The following DLG2 variants were observed in gnomAD, a reference collection of about 807,000 sequenced individuals.
The protein encoded by DLG2 is discs large MAGUK scaffold protein 2.
DLG2 carries 45 observed loss-of-function variants against 132.5 expected under a neutral mutation model. The observed-to-expected ratio is 0.34, with a 90% CI of 0.27 to 0.44. The LOEUF is 0.44. Among genes scored for constraint, DLG2 ranks in the 20% least tolerant of loss-of-function variants. The pLI is 1.00. For synonymous variants in DLG2, 424 were observed against 419.6 expected, an observed-to-expected ratio of 1.01 and a Z score of -0.13; for missense variants, 1,045 against 1,196.9, an observed-to-expected ratio of 0.87 and a Z score of 1.87.
rs1434531817 is a variant in DLG2, at chr11:84,187,946, AACC to A, written c.574-24438_574-24436del. ...GAGCTGTAGAAAGACTCTAAAATGT[AACC>A]ACTACTGCCTGAAATCTTTGCAGAA... On this transcript the variant is annotated intron_variant, in intron 8 of 27. Coordinates refer to ENST00000376104, the MANE Select transcript of DLG2 (RefSeq NM_001142699.3). Among the ~76,000 whole-genome samples, 18 of 152,242 alleles carry A rather than the reference AACC, an allele frequency of 1.2e-4. 1 individual carries two copies. In the East Asian group the frequency reaches 2.9e-3, roughly 24 times the overall value.
At chr11:83,950,747 T>C (rs1224513003) in intron 14 of DLG2, among the ~76,000 whole-genome samples, 1 of 152,202 alleles carries the variant, frequency 6.6e-6, no homozygotes, top group African/African-American at 2.4e-5. Context: ...TCTTAGATAC[T>C]AGTGGCTAAT....
chr11:85,146,222 TTCTCCCTCTCTCTC>T (rs1052907621), intron 5 of DLG2, among the ~76,000 whole-genome samples: 7 of 94,120 alleles, frequency 7.4e-5, no homozygotes, highest in African/African-American at 2.9e-4. Flanking sequence ...GTATGTCTGT[TTCTCCCTCTCTCTC>T]TCTCTCTCTC....
chr11:83,740,040 G>A (rs563435366), intron 18 of DLG2, among the ~76,000 whole-genome samples: 36 of 152,042 alleles, frequency 2.4e-4, no homozygotes, highest in African/African-American at 8.4e-4. Flanking sequence ...AGAGCACAAA[G>A]ACAGCACAGA....
intron 19 of DLG2, among the ~76,000 whole-genome samples, chr11:83,599,561 T>C (rs1013171833): frequency 1.3e-5 from 2 of 152,156 alleles, no homozygotes; most frequent in Non-Finnish European, 2.9e-5. Context: ...TGACTAGGAG[T>C]GACCACTTAC....
In DLG2 at chr11:83,635,953, G is replaced by A. The variant is rs912271947; in HGVS notation, c.1826-2628C>T. 5.9e-5 allele frequency among the ~76,000 whole-genome samples: 9 copies of A among 152,102 alleles called. No homozygotes were observed. In the East Asian group the frequency reaches 1.5e-3, roughly 26 times the overall value. On this transcript the variant is annotated intron_variant, in intron 18 of 27. Coordinates refer to ENST00000376104, the MANE Select transcript of DLG2 (RefSeq NM_001142699.3). ...AATAGCATTTCCCAGAGAAGAAAAG[G>A]GCCTTGTCTGGAACACAGATCAAGA...
At chr11:84,379,768 A>G (rs1416566441) in intron 7 of DLG2, among the ~76,000 whole-genome samples, 1 of 150,696 alleles carries the variant, frequency 6.6e-6, no homozygotes, top group Admixed American at 6.6e-5. Flanking sequence ...AAAATAGGAA[A>G]AGAGGTATTA....
intron 21 of DLG2, among the ~76,000 whole-genome samples, chr11:83,523,755 C>T (rs1401627372): frequency 6.6e-6 from 1 of 152,156 alleles, no homozygotes; most frequent in Non-Finnish European, 1.5e-5. Context: ...CAAGTGTGTT[C>T]TTCTAGAAAT....
intron 5 of DLG2, among the ~76,000 whole-genome samples, chr11:85,141,270 G>T (rs1380597015): frequency 6.6e-6 from 1 of 151,790 alleles, no homozygotes; most frequent in East Asian, 1.9e-4. Context: ...TTTAACTGGG[G>T]TGAGATGATA....
At chr11:84,894,784 T>C in intron 6 of DLG2, among the ~76,000 whole-genome samples, 1 of 152,146 alleles carries the variant, frequency 6.6e-6, no homozygotes, top group Non-Finnish European at 1.5e-5. Context: ...GGCTGACTAC[T>C]TAAGTTACAT....
At chr11:83,485,107 A>C (rs2093419431) in intron 21 of DLG2, among the ~76,000 whole-genome samples, 1 of 141,580 alleles carries the variant, frequency 7.1e-6, no homozygotes, top group Admixed American at 7.0e-5. Context: ...GTCACTCTAG[A>C]TTCTGATCAG....
rs766996648 is a variant in DLG2 at position 85,457,154 on chromosome 11, AC to A, written c.40+141502del. On this transcript the variant is annotated intron_variant, in intron 3 of 27. Transcript: ENST00000376104. Reference sequence around the variant, plus strand: ...ACTTAAGTCTTCCAGTTGAATTAAAACTTTTGCATTATGTAATGCCCTTCTT... The same window carrying A: ...ACTTAAGTCTTCCAGTTGAATTAAAATTTTGCATTATGTAATGCCCTTCTT... Among the ~76,000 whole-genome samples the A allele has an allele frequency of 1.4e-3, 206 of 149,526 alleles. 1 individual carries two copies. The highest frequency in any genetic ancestry group is 2.5e-3 in the Admixed American group (37 of 14,940).
intron 7 of DLG2, among the ~76,000 whole-genome samples, chr11:84,325,017 T>C (rs931913680): frequency 4.6e-5 from 7 of 152,138 alleles, no homozygotes; most frequent in Non-Finnish European, 1.0e-4. Flanking sequence ...TTTCTTTTTC[T>C]TGCCTACCTA....
intron 18 of DLG2, among the ~76,000 whole-genome samples, chr11:83,706,629 A>G (rs1478084048): frequency 6.6e-6 from 1 of 152,188 alleles, no homozygotes; most frequent in Non-Finnish European, 1.5e-5. Context: ...AGCATACACA[A>G]TGCAATTCAG....
At chr11:84,474,480 C>T (rs1382906975) in intron 7 of DLG2, among the ~76,000 whole-genome samples, 1 of 152,010 alleles carries the variant, frequency 6.6e-6, no homozygotes, top group Non-Finnish European at 1.5e-5. Flanking sequence ...GGCCCCAGGG[C>T]TGTTTTCTGG....
intron 16 of DLG2, among the ~76,000 whole-genome samples, chr11:83,859,827 T>G (rs1369484600): frequency 1.3e-5 from 2 of 152,006 alleles, no homozygotes; most frequent in African/African-American, 4.8e-5. Flanking sequence ...AAAAAATGGT[T>G]TTGTCGGCCA....
chr11:85,178,715 AAT>A (rs1460991217), intron 4 of DLG2, among the ~76,000 whole-genome samples: 4 of 151,954 alleles, frequency 2.6e-5, no homozygotes, highest in African/African-American at 7.2e-5. Context: ...TGGAATAAAA[AAT>A]AGTCATTGCA....
rs143748491 is a variant in DLG2, at chr11:84,352,953, T to G, written c.520-101662A>C. ...TGTTCTCTGGATCCTACTCTCTTCC[T>G]TACAACACATATTACTCTTCTGTCT... On this transcript the variant is annotated intron_variant, in intron 7 of 27. Transcript: ENST00000376104. Among the ~76,000 whole-genome samples, 1,199 of 152,222 alleles carry G rather than the reference T, an allele frequency of 7.9e-3. 13 individuals are homozygous for G. The highest frequency in any genetic ancestry group is 0.022 in the African/African-American group (933 of 41,546).
At chr11:83,981,079 C>T (rs1006197101) in intron 11 of DLG2, among the ~76,000 whole-genome samples, 3 of 152,174 alleles carry the variant, frequency 2.0e-5, no homozygotes, top group South Asian at 2.1e-4. Context: ...TACTGCCAAT[C>T]ACTTGGGCAG....
intron 6 of DLG2, among the ~76,000 whole-genome samples, chr11:84,842,798 G>T (rs1226450111): frequency 6.6e-6 from 1 of 151,798 alleles, no homozygotes; most frequent in Non-Finnish European, 1.5e-5. Flanking sequence ...AGATATTTGT[G>T]TGTGTGTGCA....
Sources: allele counts gnomAD v4.1 joint callset (sites outside exome capture counted in the v4.1 genomes callset), GRCh38; gene constraint gnomAD v4.1.1; transcripts MANE v1.5; gene names NCBI Gene and HGNC (gene_info 2026-07-23, HGNC 2026-07-21).